Variants in NRG2 observed in about 807,000 individuals in gnomAD.
NRG2 encodes pro-neuregulin-2, membrane-bound isoform.
Under a neutral mutation model 73.9 loss-of-function variants are expected in NRG2, and 27 were observed. The ratio of observed to expected loss-of-function variants is 0.37; its 90% CI spans 0.27 to 0.50. NRG2 has a LOEUF of 0.50. Ranked by LOEUF, NRG2 falls within the 20% of genes least tolerant of loss-of-function variation. The pLI, the probability that NRG2 is intolerant of heterozygous loss-of-function variation, is 0.96. For missense variants in NRG2, 1,126 were observed against 1,210.1 expected, an observed-to-expected ratio of 0.93 and a Z score of 1.03; for synonymous variants, 532 against 541.0, an observed-to-expected ratio of 0.98 and a Z score of 0.23.
intron 1 of NRG2, among the ~76,000 whole-genome samples, chr5:139,937,997 T>G (rs1418903435): frequency 1.3e-5 from 2 of 152,208 alleles, no homozygotes; most frequent in Non-Finnish European, 2.9e-5. Context: ...GAGGATTGCT[T>G]GAGCCCAGGA....
At position 139,848,349 on chromosome 5, in the gene NRG2, G is replaced by C. The variant is rs1195004358; in HGVS notation, c.2121C>G (p.Ile707Met). ...LGSLPASPFR[I>M]PEDDEYETTQ... ...TGGTCTCGTACTCGTCGTCCTCGGG[G>C]ATGCGGAAGGGGCTGGCAGGCAGGC... Residue 707 changes from isoleucine (I) to methionine (M), a missense_variant, in exon 10 of 10, where the codon ATC becomes ATG. Physicochemically the swap from Ile to Met is conservative, Grantham distance 10. This residue lies in a region of NRG2 where 402 missense variants were observed against 357.8 expected (regional missense o/e 1.12). Coordinates refer to ENST00000361474, the MANE Select transcript of NRG2 (RefSeq NM_004883.3). 6.1e-5 allele frequency: 75 copies of C among 1,220,662 alleles called. 1 individual carries two copies. The highest frequency in any genetic ancestry group is 6.4e-4 in the Middle Eastern group (2 of 3,146). The allele number at this position is 1,220,662 out of a possible 1,614,324, so 75.6% of individuals were successfully genotyped here.
intron 1 of NRG2, among the ~76,000 whole-genome samples, chr5:140,001,105 C>T (rs1426648835): frequency 6.6e-6 from 1 of 152,188 alleles, no homozygotes; most frequent in Non-Finnish European, 1.5e-5. Flanking sequence ...CCTGCTGCTG[C>T]AGGCCCTGCT....
chr5:140,002,037 C>T (rs1182118852), intron 1 of NRG2, among the ~76,000 whole-genome samples: 2 of 151,518 alleles, frequency 1.3e-5, no homozygotes, highest in South Asian at 2.1e-4. Flanking sequence ...TAAAAATATT[C>T]GCCGGGCATG....
chr5:140,042,803 G>C lies in NRG2; in HGVS notation c.267C>G (p.Ala89=), dbSNP rs924663789. ...RRAAARSRAA[A]AGGMRRDPAP... ...CCGGGTCGCGCCTCATGCCGCCGGC[G>C]GCTGCGGCTCGCGAACGGGCGGCGG... The change falls in exon 1 of 10, where the codon GCC becomes GCG. Residue 89 remains alanine (A), a synonymous_variant. Transcript: ENST00000361474. 24 of 1,502,500 alleles carry C rather than the reference G, an allele frequency of 1.6e-5. 1 individual carries two copies. The highest frequency in any genetic ancestry group is 2.1e-5 in the Non-Finnish European group (24 of 1,128,130). The allele number at this position is 1,502,500 out of a possible 1,614,324, so 93.1% of individuals were successfully genotyped here. A position where few individuals can be genotyped will look rare whatever the true frequency, so the allele number is the denominator to read the frequency against.
intron 1 of NRG2, among the ~76,000 whole-genome samples, chr5:139,926,514 G>GCT (rs1238822843): frequency 2.0e-5 from 3 of 152,184 alleles, no homozygotes; most frequent in Non-Finnish European, 4.4e-5. Context: ...TGGCTTCCGT[G>GCT]AGTGATGATG....
rs1464209366 is a variant in NRG2, at chr5:139,904,396, A to G, written c.701-16885T>C. On this transcript the variant is annotated intron_variant, in intron 1 of 9. Transcript: ENST00000361474. The surrounding 1 kb of genome is among the most constrained non-coding windows in gnomAD (Gnocchi z 6.0). The stretch of plus-strand genomic sequence containing the variant: ...GCGGCCCCTCCTCCTGGACTCCGAC[A>G]TTCTGCACGGGGTCCCAGGCGGTGG... The G allele has an allele frequency of 2.0e-6, 3 of 1,533,062 alleles. No homozygotes were observed. The highest frequency in any genetic ancestry group is 1.8e-6 in the Non-Finnish European group (2 of 1,127,850). The allele number at this position is 1,533,062 out of a possible 1,614,324, so 95.0% of individuals were successfully genotyped here. A position where few individuals can be genotyped will look rare whatever the true frequency, so the allele number is the denominator to read the frequency against.
At chr5:140,005,109 C>T (rs1170237793) in intron 1 of NRG2, among the ~76,000 whole-genome samples, 3 of 152,050 alleles carry the variant, frequency 2.0e-5, no homozygotes, top group Non-Finnish European at 4.4e-5. Flanking sequence ...GGGTGGATTC[C>T]CCCACCTCCC....
chr5:139,864,237 G>A (rs572726327), intron 5 of NRG2, among the ~76,000 whole-genome samples: 114 of 152,228 alleles, frequency 7.5e-4, no homozygotes, highest in African/African-American at 2.6e-3. Flanking sequence ...ATCAATGGCC[G>A]GCCAGAGGCT....
At chr5:139,995,498 A>G in intron 1 of NRG2, among the ~76,000 whole-genome samples, 1 of 152,168 alleles carries the variant, frequency 6.6e-6, no homozygotes, top group African/African-American at 2.4e-5. Context: ...AGGTTCCCAC[A>G]ACTAGAAGGA....
intron 1 of NRG2, among the ~76,000 whole-genome samples, chr5:139,932,998 C>T (rs1434313891): frequency 6.6e-6 from 1 of 152,182 alleles, no homozygotes; most frequent in African/African-American, 2.4e-5. Flanking sequence ...GAACAGGCCG[C>T]ACGCGGTGGC....
At chr5:140,025,032 T>C (rs1309018191) in intron 1 of NRG2, among the ~76,000 whole-genome samples, 4 of 152,124 alleles carry the variant, frequency 2.6e-5, no homozygotes, top group Admixed American at 6.5e-5. Context: ...CTCAAGGCCA[T>C]ACAGAAAGCA....
intron 1 of NRG2, among the ~76,000 whole-genome samples, chr5:139,898,880 C>T (rs1001872039): frequency 2.0e-5 from 3 of 152,226 alleles, no homozygotes; most frequent in African/African-American, 7.2e-5. Flanking sequence ...CAAGCCTCCA[C>T]ACCTCCTTAA....
At chr5:140,021,744 TAG>T (rs1473743221) in intron 1 of NRG2, among the ~76,000 whole-genome samples, 2 of 152,078 alleles carry the variant, frequency 1.3e-5, no homozygotes, top group African/African-American at 4.8e-5. Flanking sequence ...AGAGCAAAGG[TAG>T]AGAGTCAGAA....
At chr5:139,996,480 G>A (rs1758022920) in intron 1 of NRG2, among the ~76,000 whole-genome samples, 1 of 152,122 alleles carries the variant, frequency 6.6e-6, no homozygotes, top group Non-Finnish European at 1.5e-5. Context: ...TCCTTAAATT[G>A]TTGTCATTGT....
At position 140,009,853 on chromosome 5, in the gene NRG2, C is replaced by T. The variant is rs191878565; in HGVS notation, c.700+32517G>A. Reference sequence around the variant, plus strand: ...ATATTACTAAATGAAGGACGCCAATCGGAAAAGCTTACATATTACATCATT... The same window carrying T: ...ATATTACTAAATGAAGGACGCCAATTGGAAAAGCTTACATATTACATCATT... On this transcript the variant is annotated intron_variant, in intron 1 of 9. Transcript: ENST00000361474. Among the ~76,000 whole-genome samples the T allele has an allele frequency of 1.0e-3, 154 of 152,260 alleles. 1 individual carries two copies. Among genetic ancestry groups the T allele is most frequent in the African/African-American group, 3.2e-3 (135 of 41,544 alleles).
intron 1 of NRG2, among the ~76,000 whole-genome samples, chr5:140,030,584 G>A (rs1761057924): frequency 6.6e-6 from 1 of 152,212 alleles, no homozygotes; most frequent in Admixed American, 6.5e-5. Flanking sequence ...TTGACTGAGT[G>A]TAAACCATAC....
At chr5:140,041,616 C>G (rs1761920285) in intron 1 of NRG2, among the ~76,000 whole-genome samples, 1 of 146,258 alleles carries the variant, frequency 6.8e-6, no homozygotes, top group African/African-American at 2.6e-5. Context: ...AAGTTACTCT[C>G]TTTCATCATC....
At chr5:140,017,382 G>T (rs968326823) in intron 1 of NRG2, among the ~76,000 whole-genome samples, 2 of 152,000 alleles carry the variant, frequency 1.3e-5, no homozygotes, top group African/African-American at 4.8e-5. Context: ...GAAGTGAAAA[G>T]GTCTCCAACT....
At position 139,904,471 on chromosome 5, in the gene NRG2, T is replaced by G. The variant is rs1318540039; in HGVS notation, c.701-16960A>C. 3.4e-6 allele frequency: 3 copies of G among 874,052 alleles called. No individual in the cohort carries two copies. Among genetic ancestry groups the G allele is most frequent in the Non-Finnish European group, 5.3e-6 (3 of 570,974 alleles). 54.1% of individuals were successfully genotyped at this position (874,052 alleles called of 1,614,324 possible). On this transcript the variant is annotated intron_variant, in intron 1 of 9. Coordinates refer to ENST00000361474, the MANE Select transcript of NRG2 (RefSeq NM_004883.3). This position sits in a 1 kb window ranked among gnomAD's most constrained non-coding sequence, Gnocchi z 6.0. ...CGCTGCGCCCCCGCCGCCTGCAGCCTCAGTGCCCGAGCGCGGCGCCTTTCT... is the reference window on the plus strand; with the variant it reads ...CGCTGCGCCCCCGCCGCCTGCAGCCGCAGTGCCCGAGCGCGGCGCCTTTCT...
Sources: gnomAD v4.1 joint callset for allele counts (sites outside exome capture counted in the v4.1 genomes callset) on GRCh38, gnomAD v4.1.1 for gene constraint, gnomAD v4.1.1 regional missense constraint, Gnocchi (gnomAD v3.1) non-coding constraint, MANE v1.5 for transcripts, NCBI Gene and HGNC (gene_info 2026-07-23, HGNC 2026-07-21) for gene names.